The following ZDHHC7 variants were observed in gnomAD, a reference collection of about 807,000 sequenced individuals.
The protein encoded by ZDHHC7 is palmitoyltransferase ZDHHC7.
ZDHHC7 carries 12 observed loss-of-function variants against 34.1 expected under a neutral mutation model. The ratio of observed to expected loss-of-function variants is 0.35; its 90% CI spans 0.23 to 0.57. The LOEUF (loss-of-function observed/expected upper bound fraction) is 0.57, where lower values mean the gene tolerates loss of function less well. Among genes scored for constraint, ZDHHC7 ranks in the 20% least tolerant of loss-of-function variants. The pLI, the probability that ZDHHC7 is intolerant of heterozygous loss-of-function variation, is 0.84. For synonymous variants in ZDHHC7, 185 were observed against 155.4 expected (o/e 1.19, Z -1.42); for missense variants, 388 against 402.7 (o/e 0.96, Z 0.31).
intron 3 of ZDHHC7, among the ~76,000 whole-genome samples, chr16:84,987,811 G>A (rs1386037842): frequency 1.3e-5 from 2 of 152,204 alleles, no homozygotes; most frequent in African/African-American, 2.4e-5. Flanking sequence ...GATGGACCCC[G>A]AAGACGCAAT....
chr16:85,001,465 T>C (rs1481143203), intron 1 of ZDHHC7, among the ~76,000 whole-genome samples: 5 of 29,242 alleles, frequency 1.7e-4, no homozygotes, highest in Admixed American at 4.9e-4. Context: ...AGCAAGACCC[T>C]GTCTCAAAAA....
At chr16:85,004,021 G>C (rs770048306) in intron 1 of ZDHHC7, among the ~76,000 whole-genome samples, 3 of 151,974 alleles carry the variant, frequency 2.0e-5, no homozygotes, top group African/African-American at 7.3e-5. Flanking sequence ...TCAGTTTCAC[G>C]AAGTTTAAAC....
At chr16:85,018,665 T>C in the ZDHHC7 span, among the ~76,000 whole-genome samples, 1 of 152,148 alleles carries the variant, frequency 6.6e-6, no homozygotes, top group African/African-American at 2.4e-5. Context: ...CAGGCTGGTC[T>C]CAAACTCCCA....
intron 1 of ZDHHC7, among the ~76,000 whole-genome samples, chr16:85,006,413 T>A (rs1465678863): frequency 1.3e-5 from 2 of 152,066 alleles, no homozygotes; most frequent in African/African-American, 4.8e-5. Flanking sequence ...TAAATAATTT[T>A]AAAATAATAT....
chr16:84,977,104 G>C lies in ZDHHC7; in HGVS notation c.741C>G (p.Asn247Lys), dbSNP rs139969155. The change falls in exon 7 of 8, where the codon AAC becomes AAG. Residue 247 changes from asparagine (N) to lysine (K), a missense_variant. Asn to Lys is a moderately conservative substitution (Grantham distance 94). Coordinates refer to ENST00000313732, the MANE Select transcript of ZDHHC7 (RefSeq NM_017740.3). ...CGAGAACAAAGCTTACCGTCTCGTC[G>C]TTGCATATGGAGTGGATTTGGGTGC... ...MFGTQIHSIC[N>K]DETEIERLKS... 2 of 1,614,162 alleles carry C rather than the reference G, an allele frequency of 1.2e-6. No individual in the cohort carries two copies. The highest frequency in any genetic ancestry group is 1.7e-6 in the Non-Finnish European group (2 of 1,180,028).
At position 85,007,851 on chromosome 16, in the gene ZDHHC7, A is replaced by G. The variant is rs192402799; in HGVS notation, c.-104+3435T>C. The stretch of plus-strand genomic sequence containing the variant: ...AGTAGGATATGTAGTAAATAATTTA[A>G]CCAGGCCAGGCACAGTATAACATGC... On this transcript the variant is annotated intron_variant, in intron 1 of 7. Transcript: ENST00000313732. 1.1e-3 allele frequency among the ~76,000 whole-genome samples: 168 copies of G among 152,114 alleles called. 2 individuals carry two copies. The highest frequency in any genetic ancestry group is 1.5e-4 in the Non-Finnish European group (10 of 68,022).
At chr16:85,006,001 C>T (rs2072712393) in intron 1 of ZDHHC7, among the ~76,000 whole-genome samples, 1 of 152,180 alleles carries the variant, frequency 6.6e-6, no homozygotes, top group Non-Finnish European at 1.5e-5. Context: ...TGTACCTCTG[C>T]AGAACGCTAA....
the ZDHHC7 span, among the ~76,000 whole-genome samples, chr16:85,026,946 G>A: frequency 3.3e-5 from 5 of 152,152 alleles, no homozygotes; most frequent in African/African-American, 1.2e-4. Context: ...TTACTAGGGA[G>A]GGGCTGTCAG....
At chr16:85,002,069 A>C (rs1397902528) in intron 1 of ZDHHC7, among the ~76,000 whole-genome samples, 1 of 152,172 alleles carries the variant, frequency 6.6e-6, no homozygotes, top group Non-Finnish European at 1.5e-5. Flanking sequence ...CCAATGGCCA[A>C]AGCTTTTTCC....
chr16:84,986,205 A>C (rs2072434939), intron 3 of ZDHHC7, among the ~76,000 whole-genome samples: 1 of 152,176 alleles, frequency 6.6e-6, no homozygotes, highest in African/African-American at 2.4e-5. Flanking sequence ...CTCAAGGTGG[A>C]GCGCTCTTTT....
At chr16:85,019,194 G>GT in the ZDHHC7 span, among the ~76,000 whole-genome samples, 1 of 152,162 alleles carries the variant, frequency 6.6e-6, no homozygotes, top group Admixed American at 6.5e-5. Flanking sequence ...TTCCTGCAAC[G>GT]TATTTCGTTT....
intron 1 of ZDHHC7, among the ~76,000 whole-genome samples, 182 bp from the exon 2 acceptor site, chr16:84,996,189 C>A (rs1002339153): frequency 6.6e-6 from 1 of 152,166 alleles, no homozygotes; most frequent in Non-Finnish European, 1.5e-5. Context: ...GGTAAATTCA[C>A]AATCCTGGAA....
rs953278860 is a variant in ZDHHC7 at position 84,976,255 on chromosome 16, T to G, written c.*88A>C. Reference sequence around the variant, plus strand: ...GTTTGTGTAGGTTCCAGTTGCCCTGTTGGTCACAGATGAGCTGTTGATATC... The same window carrying G: ...GTTTGTGTAGGTTCCAGTTGCCCTGGTGGTCACAGATGAGCTGTTGATATC... On this transcript the variant is annotated 3_prime_UTR_variant, in exon 8 of 8. Coordinates refer to ENST00000313732, the MANE Select transcript of ZDHHC7 (RefSeq NM_017740.3). The G allele has an allele frequency of 9.2e-6, 14 of 1,529,162 alleles. No homozygotes were observed. Among genetic ancestry groups the G allele is most frequent in the Non-Finnish European group, 1.1e-5 (12 of 1,125,750 alleles). 94.7% of individuals were successfully genotyped at this position (1,529,162 alleles called of 1,614,324 possible).
chr16:85,023,567 T>C, the ZDHHC7 span, among the ~76,000 whole-genome samples: 1 of 152,194 alleles, frequency 6.6e-6, no homozygotes, highest in African/African-American at 2.4e-5. Context: ...CTAATGCATA[T>C]CACCTGCTAT....
intron 5 of ZDHHC7, chr16:84,978,265 T>G: frequency 3.2e-6 from 1 of 309,290 alleles, no homozygotes; most frequent in Non-Finnish European, 6.0e-6. Context: ...ACTGCTGACC[T>G]CTAGTGATCC....
At chr16:84,982,836 G>A (rs950697042) in intron 3 of ZDHHC7, among the ~76,000 whole-genome samples, 15 of 152,236 alleles carry the variant, frequency 9.9e-5, no homozygotes, top group East Asian at 5.8e-4. Context: ...GCGAAGCAGC[G>A]GAAAGAGGAG....
At chr16:84,996,447 G>A (rs1490026794) in intron 1 of ZDHHC7, among the ~76,000 whole-genome samples, 2 of 152,104 alleles carry the variant, frequency 1.3e-5, no homozygotes, top group African/African-American at 4.8e-5. Context: ...TGGGAGGGGC[G>A]AGGAGGTGAA....
At chr16:85,001,871 G>A (rs184950331) in intron 1 of ZDHHC7, among the ~76,000 whole-genome samples, 30 of 151,874 alleles carry the variant, frequency 2.0e-4, no homozygotes, top group Admixed American at 6.6e-4. Flanking sequence ...CACAGATCTT[G>A]GTTTTTAATA....
chr16:84,980,186 C>T (rs1054448724), intron 4 of ZDHHC7, among the ~76,000 whole-genome samples: 3 of 151,020 alleles, frequency 2.0e-5, no homozygotes, highest in Non-Finnish European at 4.4e-5. Context: ...AGGATGGTCT[C>T]GATCTCCTGA....
Sources: allele counts gnomAD v4.1 joint callset (sites outside exome capture counted in the v4.1 genomes callset), GRCh38; gene constraint gnomAD v4.1.1; transcripts MANE v1.5; gene names NCBI Gene and HGNC (gene_info 2026-07-23, HGNC 2026-07-21).